The following NRXN3 variants were observed in gnomAD, a reference collection of about 807,000 sequenced individuals.
NRXN3 encodes neurexin III.
In NRXN3, 32 loss-of-function variants were observed where a neutral mutation model predicts 137.6. That is an observed-to-expected ratio of 0.23 (90% CI 0.18 to 0.31). NRXN3 has a LOEUF of 0.31. Among genes scored for constraint, NRXN3 ranks in the 10% least tolerant of loss-of-function variants. NRXN3 has a pLI of 1.00. For synonymous variants in NRXN3, 798 were observed against 784.5 expected, an observed-to-expected ratio of 1.02 and a Z score of -0.29; for missense variants, 1,574 against 2,062.5, an observed-to-expected ratio of 0.76 and a Z score of 4.59.
chr14:78,578,927 G>A (rs2096963907), intron 4 of NRXN3, among the ~76,000 whole-genome samples: 2 of 151,378 alleles, frequency 1.3e-5, no homozygotes, highest in African/African-American at 4.9e-5. Flanking sequence ...GTTTTTCATT[G>A]TGCCACTTGG....
intron 4 of NRXN3, among the ~76,000 whole-genome samples, chr14:78,353,541 G>T (rs1182061438): frequency 6.6e-6 from 1 of 152,078 alleles, no homozygotes; most frequent in Non-Finnish European, 1.5e-5. Context: ...ACCTCCAAAG[G>T]CTGGGGTCAC....
chr14:79,057,584 A>G (rs1002026400), intron 15 of NRXN3, among the ~76,000 whole-genome samples: 1 of 152,238 alleles, frequency 6.6e-6, no homozygotes, highest in Non-Finnish European at 1.5e-5. Context: ...AGAATGAGCT[A>G]TAGCAGTATC....
intron 4 of NRXN3, among the ~76,000 whole-genome samples, chr14:78,519,563 G>T (rs2096258156): frequency 6.6e-6 from 1 of 152,018 alleles, no homozygotes; most frequent in African/African-American, 2.4e-5. Context: ...GAAAGCAAAA[G>T]AAAAAACCAC....
intron 4 of NRXN3, among the ~76,000 whole-genome samples, chr14:78,323,455 C>T (rs918832109): frequency 6.6e-6 from 1 of 152,014 alleles, no homozygotes; most frequent in African/African-American, 2.4e-5. Flanking sequence ...GGATTTAACC[C>T]CTGCCGTGCC....
chr14:78,300,534 A>C (rs1381745500), intron 4 of NRXN3: 1 of 576,052 alleles, frequency 1.7e-6, no homozygotes, highest in African/African-American at 1.9e-5. Context: ...TACTGTTGTG[A>C]GTTTTTGTTT....
At chr14:78,511,120 C>T (rs916846447) in intron 4 of NRXN3, among the ~76,000 whole-genome samples, 25 of 152,054 alleles carry the variant, frequency 1.6e-4, no homozygotes, top group Admixed American at 1.2e-3. Context: ...CCTTGCTTGC[C>T]AGAGAACTAA....
chr14:78,536,608 C>CTT (rs111375477), intron 4 of NRXN3, among the ~76,000 whole-genome samples: 6 of 147,656 alleles, frequency 4.1e-5, no homozygotes, highest in Admixed American at 2.0e-4. Flanking sequence ...GATTATTTTT[C>CTT]TTTTTTTTTT....
In NRXN3 at chr14:79,282,493, G is replaced by GTCTC. The variant is rs535502639; in HGVS notation, c.3263-184709_3263-184706dup. Among the ~76,000 whole-genome samples, 315 of 148,570 alleles carry GTCTC rather than the reference G, an allele frequency of 2.1e-3. 3 individuals are homozygous for GTCTC. Among genetic ancestry groups the GTCTC allele is most frequent in the African/African-American group, 6.9e-3 (279 of 40,604 alleles). ...CCCTAGGGTCCCTAAGTCAGAGTCA[G>GTCTC]TCTCTCTCTCTCTCTCTCTCTCATA... On this transcript the variant is annotated intron_variant, in intron 15 of 20. Transcript: ENST00000335750.
At chr14:79,240,338 CA>C (rs2074075711) in intron 15 of NRXN3, among the ~76,000 whole-genome samples, 1 of 152,038 alleles carries the variant, frequency 6.6e-6, no homozygotes, top group South Asian at 2.1e-4. Context: ...CTTCAGGCCC[CA>C]AAGAAGTTTT....
At chr14:79,384,818 C>A in intron 15 of NRXN3, among the ~76,000 whole-genome samples, 1 of 152,112 alleles carries the variant, frequency 6.6e-6, no homozygotes, top group East Asian at 1.9e-4. Flanking sequence ...AATAGTTCCA[C>A]GTTTTAGTAT....
chr14:79,476,079 C>G (rs1190975852), intron 16 of NRXN3, among the ~76,000 whole-genome samples: 4 of 152,028 alleles, frequency 2.6e-5, no homozygotes, highest in Non-Finnish European at 5.9e-5. Flanking sequence ...TGTCATTACT[C>G]CTGGGGTATT....
chr14:79,446,322 C>A (rs1393990283), intron 15 of NRXN3, among the ~76,000 whole-genome samples: 1 of 152,090 alleles, frequency 6.6e-6, no homozygotes, highest in East Asian at 1.9e-4. Context: ...GCTTTTTATT[C>A]TGTTGTCCTC....
intron 15 of NRXN3, among the ~76,000 whole-genome samples, chr14:79,353,133 A>G (rs1408893990): frequency 6.6e-6 from 1 of 152,094 alleles, no homozygotes; most frequent in African/African-American, 2.4e-5. Flanking sequence ...AAATATTTCA[A>G]TACTAATTTA....
In NRXN3 at chr14:79,863,251, T is replaced by A. The variant is rs1043123682; in HGVS notation, c.*1287T>A. ...CACTTCTCTCTTCACCCATCTTTTTTAAAAACAAATAAATGAATAAAGCTG... is the reference window on the plus strand; with the variant it reads ...CACTTCTCTCTTCACCCATCTTTTTAAAAAACAAATAAATGAATAAAGCTG... On this transcript the variant is annotated 3_prime_UTR_variant, in exon 21 of 21. Transcript: ENST00000335750. 1.6e-4 allele frequency: 24 copies of A among 152,148 alleles called. No individual in the cohort carries two copies. Among genetic ancestry groups the A allele is most frequent in the African/African-American group, 5.3e-4 (22 of 41,342 alleles). 9.4% of individuals were successfully genotyped at this position (152,148 alleles called of 1,614,324 possible).
intron 15 of NRXN3, among the ~76,000 whole-genome samples, chr14:79,412,258 A>G (rs993907383): frequency 3.3e-5 from 5 of 152,132 alleles, no homozygotes; most frequent in Admixed American, 6.6e-5. Context: ...AGGAGGCATA[A>G]GAGGGGAGAT....
intron 4 of NRXN3, among the ~76,000 whole-genome samples, chr14:78,464,044 T>A (rs911735183): frequency 2.1e-4 from 24 of 114,484 alleles, no homozygotes; most frequent in East Asian, 4.9e-4. Flanking sequence ...TTTTTATTTA[T>A]TTAATTAATT....
chr14:79,479,667 T>C (rs1398836935), intron 16 of NRXN3, among the ~76,000 whole-genome samples: 2 of 152,142 alleles, frequency 1.3e-5, no homozygotes, highest in African/African-American at 2.4e-5. Flanking sequence ...TAACTTAAAA[T>C]AAGTCACTTT....
chr14:78,665,566 G>A (rs550049410), intron 6 of NRXN3, among the ~76,000 whole-genome samples: 2 of 152,256 alleles, frequency 1.3e-5, no homozygotes, highest in South Asian at 2.1e-4. Context: ...CAGCCAAACT[G>A]AATCAATGAG....
intron 10 of NRXN3, among the ~76,000 whole-genome samples, chr14:78,893,099 C>T (rs1352373716): frequency 6.6e-6 from 1 of 151,832 alleles, no homozygotes; most frequent in African/African-American, 2.4e-5. Context: ...CTTGGCCACC[C>T]ACCTTCCTTT....
Sources: allele counts gnomAD v4.1 joint callset (sites outside exome capture counted in the v4.1 genomes callset), GRCh38; gene constraint gnomAD v4.1.1; transcripts MANE v1.5; gene names NCBI Gene and HGNC (gene_info 2026-07-23, HGNC 2026-07-21).